BAZ2B: variants seen among roughly 807,000 people sequenced by gnomAD.
BAZ2B encodes bromodomain adjacent to zinc finger domain protein 2B.
Under a neutral mutation model 246.0 loss-of-function variants are expected in BAZ2B, and 91 were observed. The ratio of observed to expected loss-of-function variants is 0.37; its 90% CI spans 0.31 to 0.44. The LOEUF is 0.44. Ranked by LOEUF, BAZ2B falls within the 20% of genes least tolerant of loss-of-function variation. The pLI is 1.00. For synonymous variants in BAZ2B, 855 were observed against 860.0 expected, an observed-to-expected ratio of 0.99 and a Z score of 0.10; for missense variants, 2,332 against 2,533.7, an observed-to-expected ratio of 0.92 and a Z score of 1.71.
Position 159,508,703 on chromosome 2 carries a change from C to A in BAZ2B, c.-2-29982G>T, listed in dbSNP as rs566246141. On this transcript the variant is annotated intron_variant, in intron 2 of 36. Coordinates refer to ENST00000392783, the MANE Select transcript of BAZ2B (RefSeq NM_013450.4). Reference sequence around the variant, plus strand: ...TATGCATTACATACTCTCATGTATACCCCCTGACCAGAAATTTAAAGAAAA... The same window carrying A: ...TATGCATTACATACTCTCATGTATAACCCCTGACCAGAAATTTAAAGAAAA... Among the ~76,000 whole-genome samples, 22 of 152,246 alleles carry A rather than the reference C, an allele frequency of 1.4e-4. No homozygotes were observed. In the East Asian group the frequency reaches 2.7e-3, roughly 19 times the overall value.
intron 4 of BAZ2B, among the ~76,000 whole-genome samples, chr2:159,451,681 G>A (rs2075113803): frequency 6.6e-6 from 1 of 152,140 alleles, no homozygotes; most frequent in African/African-American, 2.4e-5. Flanking sequence ...TGTGTGCAGA[G>A]CATAGTAGAT....
chr2:159,581,443 G>T (rs1008239539), intron 1 of BAZ2B, among the ~76,000 whole-genome samples: 1 of 152,176 alleles, frequency 6.6e-6, no homozygotes, highest in African/African-American at 2.4e-5. Flanking sequence ...AGAGGATGTG[G>T]AGAAATAGGA....
chr2:159,501,657 A>G (rs2081858520), intron 2 of BAZ2B, among the ~76,000 whole-genome samples: 1 of 152,152 alleles, frequency 6.6e-6, no homozygotes, highest in South Asian at 2.1e-4. Flanking sequence ...ATAAAACCAT[A>G]TATACCTAAT....
At position 159,385,226 on chromosome 2, in the gene BAZ2B, G is replaced by A. The variant is rs915819388; in HGVS notation, c.3615C>T (p.His1205=). 1 of 1,613,516 alleles carries A rather than the reference G, an allele frequency of 6.2e-7. No individual in the cohort carries two copies. The highest frequency in any genetic ancestry group is 8.5e-7 in the Non-Finnish European group (1 of 1,179,712). The change falls in exon 23 of 37, where the codon CAC becomes CAT. Residue 1205 remains histidine, a synonymous_variant. Coordinates refer to ENST00000392783, the MANE Select transcript of BAZ2B (RefSeq NM_013450.4). ...ESLKTKAFQA[H]TPAQKASVLA... is the part of the protein sequence containing the mutation. ...GGACTGAAGCTTTCTGTGCTGGAGT[G>A]TGAGCCTGAAAAGCTTTGGTCTTCA...
At chr2:159,524,285 A>T (rs897302360) in intron 2 of BAZ2B, among the ~76,000 whole-genome samples, 7 of 151,232 alleles carry the variant, frequency 4.6e-5, no homozygotes, top group Non-Finnish European at 7.4e-5. Flanking sequence ...GCCAGGTATT[A>T]AAAAAATAAA....
chr2:159,680,203 A>G, the BAZ2B span, among the ~76,000 whole-genome samples: 1 of 152,250 alleles, frequency 6.6e-6, no homozygotes, highest in Non-Finnish European at 1.5e-5. Flanking sequence ...TCTTACAAAA[A>G]GGAAAGCAAG....
chr2:159,500,292 T>C (rs1289170288), intron 2 of BAZ2B, among the ~76,000 whole-genome samples: 2 of 152,192 alleles, frequency 1.3e-5, no homozygotes, highest in Non-Finnish European at 2.9e-5. Flanking sequence ...TCCCATTGCT[T>C]GTTTTTGTCA....
the BAZ2B span, among the ~76,000 whole-genome samples, chr2:159,647,399 C>T: frequency 6.6e-6 from 1 of 152,202 alleles, no homozygotes; most frequent in African/African-American, 2.4e-5. Flanking sequence ...CTCTTACTCA[C>T]AGTAGGATCA....
chr2:159,644,323 G>C, the BAZ2B span, among the ~76,000 whole-genome samples: 1 of 152,178 alleles, frequency 6.6e-6, no homozygotes, highest in African/African-American at 2.4e-5. Flanking sequence ...CTAAAACCTA[G>C]TAAGAAAAAC....
At chr2:159,573,485 T>C (rs1290475356) in intron 1 of BAZ2B, among the ~76,000 whole-genome samples, 3 of 152,186 alleles carry the variant, frequency 2.0e-5, no homozygotes, top group African/African-American at 4.8e-5. Flanking sequence ...ACTGGACCCC[T>C]ACCTCACACC....
intron 13 of BAZ2B, among the ~76,000 whole-genome samples, chr2:159,417,522 T>C (rs548299389): frequency 3.3e-5 from 5 of 152,280 alleles, no homozygotes; most frequent in Admixed American, 6.5e-5. Flanking sequence ...GTTGCTAATT[T>C]GTATTCTTAG....
chr2:159,377,217 C>A (rs887040218), intron 25 of BAZ2B, among the ~76,000 whole-genome samples: 3 of 152,118 alleles, frequency 2.0e-5, no homozygotes, highest in Admixed American at 6.5e-5. Context: ...AAGGTAACTA[C>A]CAATACCCTA....
intron 2 of BAZ2B, among the ~76,000 whole-genome samples, chr2:159,552,196 C>A (rs1236723897): frequency 6.6e-6 from 1 of 152,160 alleles, no homozygotes; most frequent in Non-Finnish European, 1.5e-5. Flanking sequence ...AGTTCTCTGA[C>A]TCCCTTTTCC....
chr2:159,460,493 T>C (rs990297590), intron 3 of BAZ2B: 2 of 152,132 alleles, frequency 1.3e-5, no homozygotes, highest in Admixed American at 6.5e-5. Flanking sequence ...CTACACAAAA[T>C]TGTTATATCA....
chr2:159,343,071 A>G (rs1469934292), intron 31 of BAZ2B, among the ~76,000 whole-genome samples: 1 of 152,250 alleles, frequency 6.6e-6, no homozygotes, highest in Non-Finnish European at 1.5e-5. Context: ...AAACTGACAC[A>G]TAAACCAATG....
chr2:159,546,117 T>C (rs2087303632), intron 2 of BAZ2B, among the ~76,000 whole-genome samples: 1 of 152,142 alleles, frequency 6.6e-6, no homozygotes, highest in Non-Finnish European at 1.5e-5. Context: ...TACATTTTGG[T>C]TTGACATGCC....
intron 2 of BAZ2B, among the ~76,000 whole-genome samples, chr2:159,502,968 T>C (rs1000414674): frequency 2.6e-5 from 4 of 152,312 alleles, no homozygotes; most frequent in East Asian, 1.9e-4. Context: ...TAAAAGTATA[T>C]ATATCTTCTC....
chr2:159,703,660 G>C, the BAZ2B span, among the ~76,000 whole-genome samples: 881 of 152,256 alleles, frequency 5.8e-3, 10 homozygotes, highest in African/African-American at 0.02. Context: ...GAGGTGAGCA[G>C]ATTGCTTGAG....
At chr2:159,565,825 G>T (rs1682423462) in intron 1 of BAZ2B, among the ~76,000 whole-genome samples, 1 of 150,202 alleles carries the variant, frequency 6.7e-6, no homozygotes. Context: ...AAGAAAGCTT[G>T]TATCTGTCCT....
Sources: allele counts gnomAD v4.1 joint callset (sites outside exome capture counted in the v4.1 genomes callset), GRCh38; gene constraint gnomAD v4.1.1; transcripts MANE v1.5; gene names NCBI Gene and HGNC (gene_info 2026-07-23, HGNC 2026-07-21).